Variants in C10orf90 observed in about 807,000 individuals in gnomAD.
C10orf90 encodes the protein chromosome 10 open reading frame 90.
In C10orf90, 56 loss-of-function variants were observed where a neutral mutation model predicts 62.5. The observed-to-expected ratio is 0.90, with a 90% CI of 0.72 to 1.12. The LOEUF (loss-of-function observed/expected upper bound fraction) is 1.12, where lower values mean the gene tolerates loss of function less well. Among genes scored for constraint, C10orf90 ranks in the 50% most tolerant of loss-of-function variants. C10orf90 has a pLI of 0.00. For synonymous variants in C10orf90, 386 were observed against 340.4 expected, an observed-to-expected ratio of 1.13 and a Z score of -1.47; for missense variants, 970 against 880.4, an observed-to-expected ratio of 1.10 and a Z score of -1.29.
At chr10:126,475,100 C>A (rs979087388) in intron 4 of C10orf90, among the ~76,000 whole-genome samples, 12 of 151,794 alleles carry the variant, frequency 7.9e-5, no homozygotes, top group African/African-American at 2.9e-4. Context: ...TCCAAATCAC[C>A]AAACAAATAT....
At chr10:126,626,756 A>G (rs1845751049) in intron 2 of C10orf90, among the ~76,000 whole-genome samples, 2 of 152,194 alleles carry the variant, frequency 1.3e-5, no homozygotes, top group Admixed American at 6.5e-5. Context: ...CTGGCAATAA[A>G]AAAACAGAGT....
chr10:126,440,663 G>A (rs1858246513), intron 7 of C10orf90, among the ~76,000 whole-genome samples: 1 of 152,150 alleles, frequency 6.6e-6, no homozygotes, highest in African/African-American at 2.4e-5. Context: ...CTTCACTGAA[G>A]CAGGTGCTGG....
At chr10:126,534,617 A>G (rs188743417) in intron 2 of C10orf90, among the ~76,000 whole-genome samples, 1 of 152,254 alleles carries the variant, frequency 6.6e-6, no homozygotes, top group East Asian at 1.9e-4. Context: ...AAGCTCTCCC[A>G]TATCCTTCTT....
intron 2 of C10orf90, among the ~76,000 whole-genome samples, chr10:126,570,494 G>A (rs765995771): frequency 9.9e-5 from 15 of 152,168 alleles, no homozygotes; most frequent in Non-Finnish European, 1.8e-4. Context: ...TAAAAGGAGG[G>A]ACTTTAAAAC....
chr10:126,592,356 A>G (rs1844998307), intron 2 of C10orf90, among the ~76,000 whole-genome samples: 1 of 152,206 alleles, frequency 6.6e-6, no homozygotes, highest in African/African-American at 2.4e-5. Flanking sequence ...ACATAGACCA[A>G]TGGAACAGAA....
intron 2 of C10orf90, among the ~76,000 whole-genome samples, chr10:126,621,079 C>T (rs1324700077): frequency 6.6e-6 from 1 of 152,080 alleles, no homozygotes; most frequent in Non-Finnish European, 1.5e-5. Context: ...TGCTATTAAA[C>T]TTTTAGGTTG....
At chr10:126,535,300 G>A (rs533909689) in intron 2 of C10orf90, among the ~76,000 whole-genome samples, 53 of 152,112 alleles carry the variant, frequency 3.5e-4, no homozygotes, top group Admixed American at 5.2e-4. Context: ...GGCGGATCAC[G>A]AGGTCAGGAG....
chr10:126,489,604 A>G (rs954209783), intron 4 of C10orf90, among the ~76,000 whole-genome samples: 5 of 152,110 alleles, frequency 3.3e-5, no homozygotes, highest in Non-Finnish European at 7.4e-5. Flanking sequence ...GAGAAATTAG[A>G]ACCCTTGTGC....
At chr10:126,631,133 T>G (rs997505842) in intron 2 of C10orf90, among the ~76,000 whole-genome samples, 3 of 152,214 alleles carry the variant, frequency 2.0e-5, no homozygotes, top group African/African-American at 7.2e-5. Flanking sequence ...TGTTCCAGCA[T>G]GCACAACAGT....
At chr10:126,619,092 A>C (rs370469108) in intron 2 of C10orf90, among the ~76,000 whole-genome samples, 1 of 152,056 alleles carries the variant, frequency 6.6e-6, no homozygotes, top group East Asian at 1.9e-4. Context: ...TTATCCTTAT[A>C]CTTCTTTGCG....
intron 5 of C10orf90, among the ~76,000 whole-genome samples, chr10:126,461,815 G>C (rs879810755): frequency 1.3e-5 from 2 of 152,254 alleles, no homozygotes; most frequent in Admixed American, 1.3e-4. Flanking sequence ...AATTATGCCA[G>C]GGAGGTATTC....
At chr10:126,559,969 G>A (rs1412132152) in intron 2 of C10orf90, among the ~76,000 whole-genome samples, 8 of 152,164 alleles carry the variant, frequency 5.3e-5, no homozygotes, top group South Asian at 4.1e-4. Context: ...TAGACACCGC[G>A]GAGAACTGCA....
At chr10:126,548,520 C>T (rs1864555068) in intron 2 of C10orf90, among the ~76,000 whole-genome samples, 1 of 152,160 alleles carries the variant, frequency 6.6e-6, no homozygotes, top group African/African-American at 2.4e-5. Flanking sequence ...GCACACGCCA[C>T]CACACCCAGC....
chr10:126,502,846 G>T (rs539659529), intron 4 of C10orf90: 1 of 522,168 alleles, frequency 1.9e-6, no homozygotes, highest in Admixed American at 2.0e-5. Flanking sequence ...TGTAAGACAT[G>T]CATTTCAATG....
chr10:126,552,998 T>A (rs1018982137), intron 2 of C10orf90, among the ~76,000 whole-genome samples: 3 of 152,082 alleles, frequency 2.0e-5, no homozygotes, highest in Admixed American at 2.0e-4. Context: ...CTGCTTCCCA[T>A]CATAAACACA....
At chr10:126,438,619 A>G (rs149778464) in intron 7 of C10orf90, among the ~76,000 whole-genome samples, 191 of 152,338 alleles carry the variant, frequency 1.3e-3, no homozygotes, top group African/African-American at 4.1e-3. Flanking sequence ...ATTTGGCTAG[A>G]GGAAACCAAG....
intron 4 of C10orf90, among the ~76,000 whole-genome samples, chr10:126,484,092 C>G (rs1861301425): frequency 6.6e-6 from 1 of 152,128 alleles, no homozygotes; most frequent in Admixed American, 6.6e-5. Flanking sequence ...CTGTGTGCAT[C>G]TTGGGGCAAA....
At chr10:126,478,700 TA>T (rs990497584) in intron 4 of C10orf90, among the ~76,000 whole-genome samples, 1 of 152,034 alleles carries the variant, frequency 6.6e-6, no homozygotes, top group African/African-American at 2.4e-5. Context: ...GAGGGTGAGC[TA>T]AGGGCTGTCC....
intron 2 of C10orf90, among the ~76,000 whole-genome samples, chr10:126,642,069 G>T (rs1680347956): frequency 6.6e-6 from 1 of 152,164 alleles, no homozygotes; most frequent in Non-Finnish European, 1.5e-5. Context: ...TGGAGCTGCT[G>T]CTGGAGGCTA....
Sources: allele counts gnomAD v4.1 joint callset (sites outside exome capture counted in the v4.1 genomes callset), GRCh38; gene constraint gnomAD v4.1.1; transcripts MANE v1.5; gene names NCBI Gene and HGNC (gene_info 2026-07-23, HGNC 2026-07-21).